KCNIP4: variants seen among roughly 807,000 people sequenced by gnomAD.
KCNIP4 encodes Kv channel-interacting protein 4.
KCNIP4 carries 12 observed loss-of-function variants against 34.0 expected under a neutral mutation model. The ratio of observed to expected loss-of-function variants is 0.35; its 90% CI spans 0.23 to 0.57. The LOEUF is 0.57. Among genes scored for constraint, KCNIP4 ranks in the 20% least tolerant of loss-of-function variants. KCNIP4 has a pLI of 0.83. For missense variants in KCNIP4, 238 were observed against 311.7 expected, an observed-to-expected ratio of 0.76 and a Z score of 1.78; for synonymous variants, 124 against 102.2, an observed-to-expected ratio of 1.21 and a Z score of -1.29.
rs28407994 is a variant in KCNIP4, at chr4:21,432,576, G to A, written c.61+515995C>T. On this transcript the variant is annotated intron_variant, in intron 1 of 8. Transcript: ENST00000382152. ...AATTTTAGTATCTCTGCTCAAATTAGCTGGGAAAAAGACCAGTACCAAAGG... is the reference window on the plus strand; with the variant it reads ...AATTTTAGTATCTCTGCTCAAATTAACTGGGAAAAAGACCAGTACCAAAGG... Among the ~76,000 whole-genome samples, 908 of 152,208 alleles carry A rather than the reference G, an allele frequency of 6.0e-3. 12 individuals are homozygous for A. The highest frequency in any genetic ancestry group is 0.021 in the African/African-American group (860 of 41,522).
intron 1 of KCNIP4, among the ~76,000 whole-genome samples, chr4:20,903,157 G>A (rs1014917980): frequency 2.0e-5 from 3 of 152,150 alleles, no homozygotes; most frequent in African/African-American, 4.8e-5. Context: ...GACAGGCTGA[G>A]AGTTAAGGAT....
chr4:20,866,638 G>T (rs1722911310), intron 2 of KCNIP4, among the ~76,000 whole-genome samples: 1 of 151,986 alleles, frequency 6.6e-6, no homozygotes, highest in Non-Finnish European at 1.5e-5. Flanking sequence ...ATTCAACATG[G>T]TATTGGAAGT....
intron 1 of KCNIP4, among the ~76,000 whole-genome samples, chr4:21,330,528 T>C (rs1380420586): frequency 6.6e-6 from 1 of 152,212 alleles, no homozygotes; most frequent in African/African-American, 2.4e-5. Context: ...AGTGATGACA[T>C]TCATTTTGCC....
At chr4:21,089,260 T>C (rs1455577363) in intron 1 of KCNIP4, among the ~76,000 whole-genome samples, 1 of 152,162 alleles carries the variant, frequency 6.6e-6, no homozygotes, top group South Asian at 2.1e-4. Flanking sequence ...TCACAAGATC[T>C]GGTTCTTTAA....
intron 1 of KCNIP4, among the ~76,000 whole-genome samples, chr4:21,356,042 C>T (rs368178493): frequency 3.9e-5 from 6 of 152,002 alleles, no homozygotes; most frequent in South Asian, 2.1e-4. Context: ...ACAGAACCAA[C>T]GACAAAAACC....
chr4:21,431,616 G>C (rs1726454806), intron 1 of KCNIP4, among the ~76,000 whole-genome samples: 1 of 152,020 alleles, frequency 6.6e-6, no homozygotes, highest in Non-Finnish European at 1.5e-5. Context: ...AGATAAGGTT[G>C]ACATATTACC....
At chr4:21,304,069 C>CAG (rs1276234904) in intron 1 of KCNIP4, 212 of 138,046 alleles carry the variant, frequency 1.5e-3, no homozygotes, top group African/African-American at 9.3e-3. Flanking sequence ...GAGAGAGAGA[C>CAG]AGAGAGAGAG....
rs188865964 is a variant in KCNIP4, at chr4:21,633,614, A to T, written c.61+314957T>A. Among the ~76,000 whole-genome samples, 439 of 152,282 alleles carry T rather than the reference A, an allele frequency of 2.9e-3. 4 individuals carry two copies. The highest frequency in any genetic ancestry group is 6.8e-3 in the Middle Eastern group (2 of 294). On this transcript the variant is annotated intron_variant, in intron 1 of 8. Coordinates refer to ENST00000382152, the MANE Select transcript of KCNIP4 (RefSeq NM_025221.6). Reference sequence around the variant, plus strand: ...CAGGCTCTATTTAATACTACAGGTTATCCTACCTTATTGAATGCAGTAGAC... The same window carrying T: ...CAGGCTCTATTTAATACTACAGGTTTTCCTACCTTATTGAATGCAGTAGAC...
chr4:20,744,666 T>C (rs568390761), intron 5 of KCNIP4, among the ~76,000 whole-genome samples: 1 of 152,226 alleles, frequency 6.6e-6, no homozygotes, highest in Admixed American at 6.5e-5. Context: ...ATAAATAATG[T>C]AAATGACGTG....
In KCNIP4 at chr4:21,295,258, G is replaced by A. The variant is rs184871428; in HGVS notation, c.62-412549C>T. On this transcript the variant is annotated intron_variant, in intron 1 of 8. Coordinates refer to ENST00000382152, the MANE Select transcript of KCNIP4 (RefSeq NM_025221.6). Reference sequence around the variant, plus strand: ...CCACAGGCAGTTGTTTCATATAAAGGAAGTCTGAAAATAAGTGTTGAATCC... The same window carrying A: ...CCACAGGCAGTTGTTTCATATAAAGAAAGTCTGAAAATAAGTGTTGAATCC... Among the ~76,000 whole-genome samples the A allele has an allele frequency of 4.3e-3, 654 of 152,202 alleles. 3 individuals are homozygous for A. The highest frequency in any genetic ancestry group is 7.8e-3 in the Non-Finnish European group (531 of 68,014).
intron 1 of KCNIP4, among the ~76,000 whole-genome samples, chr4:20,984,850 A>T (rs551907160): frequency 8.5e-5 from 13 of 152,322 alleles, no homozygotes; most frequent in African/African-American, 3.1e-4. Context: ...CCCTGATGAT[A>T]AAAACAACCT....
chr4:21,773,772 T>A (rs1236563289), intron 1 of KCNIP4, among the ~76,000 whole-genome samples: 1 of 148,516 alleles, frequency 6.7e-6, no homozygotes, highest in African/African-American at 2.5e-5. Context: ...TGTTTGTTTT[T>A]GTTTTGTTTA....
At chr4:20,783,051 A>G (rs1462517368) in intron 3 of KCNIP4, among the ~76,000 whole-genome samples, 2 of 152,200 alleles carry the variant, frequency 1.3e-5, no homozygotes, top group African/African-American at 4.8e-5. Flanking sequence ...AAATGCCACA[A>G]GTCTCTTTGT....
chr4:20,806,170 C>T (rs1715060534), intron 3 of KCNIP4, among the ~76,000 whole-genome samples: 2 of 151,874 alleles, frequency 1.3e-5, no homozygotes, highest in Admixed American at 6.6e-5. Context: ...TTTATTGTCA[C>T]TTTGTTTTGT....
At chr4:20,939,374 T>A (rs1328617520) in intron 1 of KCNIP4, among the ~76,000 whole-genome samples, 4 of 151,990 alleles carry the variant, frequency 2.6e-5, no homozygotes, top group African/African-American at 9.7e-5. Context: ...TTTATTAATT[T>A]ATTATTTATT....
chr4:21,579,605 T>C (rs1741045706), intron 1 of KCNIP4, among the ~76,000 whole-genome samples: 1 of 152,130 alleles, frequency 6.6e-6, no homozygotes, highest in Admixed American at 6.5e-5. Flanking sequence ...TCTGGAGGCA[T>C]TTACCCACTG....
chr4:21,933,239 C>T (rs1729673315), intron 1 of KCNIP4, among the ~76,000 whole-genome samples: 5 of 151,906 alleles, frequency 3.3e-5, no homozygotes, highest in Admixed American at 3.3e-4. Flanking sequence ...ATCTTGTTCC[C>T]CTGCTTAAAA....
At chr4:21,395,057 C>T (rs1392297744) in intron 1 of KCNIP4, among the ~76,000 whole-genome samples, 2 of 152,034 alleles carry the variant, frequency 1.3e-5, no homozygotes, top group Non-Finnish European at 2.9e-5. Flanking sequence ...AAACTTAACA[C>T]GTGTGGGGAC....
intron 3 of KCNIP4, among the ~76,000 whole-genome samples, chr4:20,768,329 G>A (rs1305722557): frequency 1.3e-5 from 2 of 152,132 alleles, no homozygotes; most frequent in Admixed American, 6.6e-5. Flanking sequence ...AGATAGTCAT[G>A]GGGGTTCCGA....
Sources: gnomAD v4.1 joint callset for allele counts (sites outside exome capture counted in the v4.1 genomes callset) on GRCh38, gnomAD v4.1.1 for gene constraint, MANE v1.5 for transcripts, NCBI Gene and HGNC (gene_info 2026-07-23, HGNC 2026-07-21) for gene names.